Variants in APP observed in about 807,000 individuals in gnomAD.
APP encodes the protein amyloid beta precursor protein, also known as amyloid-beta precursor protein.
Under a neutral mutation model 101.4 loss-of-function variants are expected in APP, and 31 were observed. That is an observed-to-expected ratio of 0.31 (90% confidence interval 0.23 to 0.41). The LOEUF (loss-of-function observed/expected upper bound fraction) is 0.41, where lower values mean the gene tolerates loss of function less well. APP is among the 10% of genes least tolerant of loss of function. APP has a pLI of 1.00. For missense variants in APP, 839 were observed against 1,003.7 expected (o/e 0.84, Z 2.22); for synonymous variants, 366 against 364.4 (o/e 1.00, Z -0.05).
chr21:25,936,874 CTTCTTT>C (rs2146416955), intron 13 of APP, among the ~76,000 whole-genome samples: 1 of 152,202 alleles, frequency 6.6e-6, no homozygotes, highest in African/African-American at 2.4e-5. Context: ...CTTTCTTCGG[CTTCTTT>C]TTCTTTTTTT....
chr21:26,003,302 G>C (rs1055118640), intron 6 of APP, among the ~76,000 whole-genome samples: 1 of 152,252 alleles, frequency 6.6e-6, no homozygotes, highest in South Asian at 2.1e-4. Flanking sequence ...GTCTCCAGCT[G>C]TAAGAGCCTT....
At chr21:25,897,864 G>C in intron 15 of APP, 191 bp from the exon 16 acceptor site, 1 of 599,060 alleles carries the variant, frequency 1.7e-6, no homozygotes, top group Admixed American at 3.0e-5. Context: ...TGAACAAAAA[G>C]AAATGAAAGG....
At chr21:25,974,285 G>A (rs2042144444) in intron 11 of APP, among the ~76,000 whole-genome samples, 1 of 152,102 alleles carries the variant, frequency 6.6e-6, no homozygotes, top group Non-Finnish European at 1.5e-5. Flanking sequence ...TACATGATGA[G>A]GGGGCTGGGC....
At chr21:26,064,860 T>C (rs1035303186) in intron 3 of APP, among the ~76,000 whole-genome samples, 3 of 152,188 alleles carry the variant, frequency 2.0e-5, no homozygotes, top group African/African-American at 7.2e-5. Flanking sequence ...GGTTTTGTTG[T>C]TGCTGTTGTT....
Position 25,975,218 on chromosome 21 carries a change from T to C in APP, c.1310A>G (p.Glu437Gly). 3 of 1,614,116 alleles carry C rather than the reference T, an allele frequency of 1.9e-6. No individual in the cohort carries two copies. The highest frequency in any genetic ancestry group is 2.5e-6 in the Non-Finnish European group (3 of 1,180,004). The change falls in exon 11 of 18, where the codon GAG (glutamate) becomes GGG (glycine). Residue 437 changes from glutamate to glycine, a missense_variant. Glu to Gly is a moderately conservative substitution (Grantham distance 98). Coordinates refer to ENST00000346798, the MANE Select transcript of APP (RefSeq NM_000484.4). ...TTCCTGTTCCAAAGATTCCACTTTC[T>C]CCTGGAAATGCTGCCATCATAAACA... is the stretch of plus-strand genomic sequence containing the variant. ...DKKAVIQHFQ[E>G]KVESLEQEAA...
At chr21:25,883,911 T>G (rs1435123053) in intron 17 of APP, among the ~76,000 whole-genome samples, 1 of 152,106 alleles carries the variant, frequency 6.6e-6, no homozygotes, top group East Asian at 1.9e-4. Flanking sequence ...CCATTTTTTT[T>G]GAGTTGGAGT....
chr21:26,164,205 A>ACTGCATTCCAGCTTGG (rs1366609574), intron 1 of APP, among the ~76,000 whole-genome samples: 3 of 152,232 alleles, frequency 2.0e-5, no homozygotes, highest in African/African-American at 7.2e-5. Context: ...AGATCGCACC[A>ACTGCATTCCAGCTTGG]CTGCATTCCA....
intron 13 of APP, among the ~76,000 whole-genome samples, chr21:25,947,573 T>C (rs2040877008): frequency 6.6e-6 from 1 of 152,220 alleles, no homozygotes; most frequent in South Asian, 2.1e-4. Context: ...GTCAAAGATA[T>C]ACATTTAGAC....
chr21:26,140,016 T>C, intron 1 of APP: 1 of 689,020 alleles, frequency 1.5e-6, no homozygotes, highest in Non-Finnish European at 2.5e-6. Context: ...TTACACCAAA[T>C]AATTTGCAAA....
At chr21:26,036,145 G>A (rs143723391) in intron 5 of APP, among the ~76,000 whole-genome samples, 2 of 152,040 alleles carry the variant, frequency 1.3e-5, no homozygotes, top group East Asian at 1.9e-4. Context: ...CAGGAAGAGC[G>A]AGCCAGAAAG....
At chr21:25,975,769 T>C (rs1227496028) in intron 10 of APP, among the ~76,000 whole-genome samples, 185 bp downstream of exon 10, 4 of 152,156 alleles carry the variant, frequency 2.6e-5, no homozygotes, top group South Asian at 2.1e-4. Flanking sequence ...CTTGAAATAA[T>C]TGGGAGCAAA....
At chr21:26,170,787 G>A (rs751341076), upstream of APP, 1 of 707,416 alleles carries the variant, frequency 1.4e-6, no homozygotes, top group East Asian at 3.4e-5. Context: ...CGAGCGCGGC[G>A]GCGGGGCTCA....
At chr21:25,969,884 A>T (rs1376553655) in intron 11 of APP, among the ~76,000 whole-genome samples, 10 of 5,970 alleles carry the variant, frequency 1.7e-3, no homozygotes, top group Non-Finnish European at 2.5e-3. Flanking sequence ...GAGAAAAGAA[A>T]AGAGAAGATT....
chr21:26,082,970 T>C (rs1398524571), intron 3 of APP, among the ~76,000 whole-genome samples: 3 of 152,224 alleles, frequency 2.0e-5, no homozygotes, highest in African/African-American at 7.2e-5. Context: ...TTTAAATAGA[T>C]TTAAATAGTA....
chr21:26,144,715 A>C (rs1460658380), intron 1 of APP, among the ~76,000 whole-genome samples: 1 of 152,248 alleles, frequency 6.6e-6, no homozygotes, highest in Non-Finnish European at 1.5e-5. Context: ...GAGAAAGAAC[A>C]GTTCCACTAA....
intron 6 of APP, among the ~76,000 whole-genome samples, chr21:26,016,594 C>T (rs1279292086): frequency 2.6e-5 from 4 of 151,882 alleles, no homozygotes; most frequent in South Asian, 2.1e-4. Flanking sequence ...TTTTTTGAGA[C>T]GAAGTTTCGC....
rs970357486 is a variant in APP at position 26,029,981 on chromosome 21, A to G, written c.663-7939T>C. On this transcript the variant is annotated intron_variant, in intron 5 of 17. Transcript: ENST00000346798. ...CTAAAAAAAAATTACTGAAACAAGC[A>G]AAGAGATCCGAGAAGCACTAAAGCC... 3.3e-5 allele frequency among the ~76,000 whole-genome samples: 5 copies of G among 152,216 alleles called. No individual in the cohort carries two copies. In the South Asian group the frequency reaches 1.0e-3, roughly 32 times the overall value.
chr21:25,979,813 T>TAAA (rs56312835), intron 9 of APP, among the ~76,000 whole-genome samples: 51 of 151,442 alleles, frequency 3.4e-4, no homozygotes, highest in Admixed American at 2.2e-3. Context: ...AAACACACAT[T>TAAA]AAAAAAAATG....
chr21:25,972,142 A>C (rs564517105), intron 11 of APP, among the ~76,000 whole-genome samples: 10 of 152,338 alleles, frequency 6.6e-5, no homozygotes, highest in Middle Eastern at 6.8e-3. Context: ...ATAGGTTCAA[A>C]AGTTAAGATA....
Sources: allele counts gnomAD v4.1 joint callset (sites outside exome capture counted in the v4.1 genomes callset), GRCh38; gene constraint gnomAD v4.1.1; transcripts MANE v1.5; gene names NCBI Gene and HGNC (gene_info 2026-07-23, HGNC 2026-07-21).